PROKR1: variants seen among roughly 807,000 people sequenced by gnomAD.
The protein encoded by PROKR1 is G protein-coupled receptor 73.
A neutral mutation model predicts 22.8 loss-of-function variants in PROKR1; 21 were observed. That is an observed-to-expected ratio of 0.92 (90% CI 0.65 to 1.32). The LOEUF (loss-of-function observed/expected upper bound fraction) is 1.32. PROKR1 is among the 40% of genes most tolerant of loss of function. The pLI is 0.00. For synonymous variants in PROKR1, 193 were observed against 207.5 expected, an observed-to-expected ratio of 0.93 and a Z score of 0.60; for missense variants, 548 against 514.2, an observed-to-expected ratio of 1.07 and a Z score of -0.64.
At position 68,646,073 on chromosome 2, in the gene PROKR1, C is replaced by T. The variant is rs111648620; in HGVS notation, c.252C>T (p.Ile84=). Residue 84 remains isoleucine, a synonymous_variant, in exon 2 of 3, where the codon ATC becomes ATT. Coordinates refer to ENST00000303786, the MANE Select transcript of PROKR1 (RefSeq NM_138964.4). ...LVCGIGNFIF[I]AALVRYKKLR... is the part of the protein sequence containing the mutation. ...GCGGCATTGGAAACTTCATCTTTAT[C>T]GCTGCCCTGGTCCGCTACAAGAAAC... The T allele has an allele frequency of 5.2e-5, 84 of 1,614,114 alleles. No homozygotes were observed. Among genetic ancestry groups the T allele is most frequent in the African/African-American group, 6.7e-5 (5 of 74,938 alleles).
intron 2 of PROKR1, among the ~76,000 whole-genome samples, chr2:68,649,942 G>A (rs1475830614): frequency 6.6e-6 from 1 of 152,048 alleles, no homozygotes; most frequent in Admixed American, 6.5e-5. Context: ...TGTCTTGTAC[G>A]TGTCTCCACT....
chr2:68,644,895 G>A (rs1031016351), intron 1 of PROKR1, among the ~76,000 whole-genome samples: 1 of 152,040 alleles, frequency 6.6e-6, no homozygotes, highest in Non-Finnish European at 1.5e-5. Flanking sequence ...TCAGGATTTC[G>A]CTCCCCTTCC....
At chr2:68,647,363 C>T (rs917724162) in intron 2 of PROKR1, among the ~76,000 whole-genome samples, 6 of 152,198 alleles carry the variant, frequency 3.9e-5, no homozygotes, top group Admixed American at 6.5e-5. Flanking sequence ...TACAAAGCAC[C>T]TGGTTACAGT....
At chr2:68,646,381 G>A in intron 2 of PROKR1, 75 bp downstream of exon 2, 2 of 1,575,264 alleles carry the variant, frequency 1.3e-6, no homozygotes, top group African/African-American at 1.3e-5. Flanking sequence ...CTCCTGTACT[G>A]CAGTTGCAGA....
At position 68,646,283 on chromosome 2, in the gene PROKR1, C is replaced by A; in HGVS notation, c.462C>A (p.Ala154=). ...TCTCTCTCTATGTCTCCACCAATGCCCTGCTGGCCATCGCCATTGACAGGT... is the reference window on the plus strand; with the variant it reads ...TCTCTCTCTATGTCTCCACCAATGCACTGCTGGCCATCGCCATTGACAGGT... ...RTVSLYVSTN[A]LLAIAIDRYL... Residue 154 remains alanine (A), a synonymous_variant, in exon 2 of 3, where the codon GCC becomes GCA. Coordinates refer to ENST00000303786, the MANE Select transcript of PROKR1 (RefSeq NM_138964.4). 6.2e-7 allele frequency: 1 copy of A among 1,614,230 alleles called. No individual in the cohort carries two copies. The highest frequency in any genetic ancestry group is 2.2e-5 in the East Asian group (1 of 44,884).
intron 2 of PROKR1, chr2:68,649,575 T>A (rs1216481779): frequency 6.6e-6 from 1 of 152,136 alleles, no homozygotes; most frequent in African/African-American, 2.4e-5. Flanking sequence ...AACCAAAGGA[T>A]GGAGAGAGAT....
rs1673159027 is a variant in PROKR1, at chr2:68,645,696, A to T, written c.-126A>T. The T allele has an allele frequency of 7.6e-7, 1 of 1,321,648 alleles. No homozygotes were observed. The highest frequency in any genetic ancestry group is 1.1e-6 in the Non-Finnish European group (1 of 929,976). 81.9% of individuals were successfully genotyped at this position (1,321,648 alleles called of 1,614,324 possible). A position where few individuals can be genotyped will look rare whatever the true frequency, so the allele number is the denominator to read the frequency against. ...GGAGCTCAGATACCATACCCCAAAG[A>T]TGCTGGCAGAGACATTCTGACTCAT... On this transcript the variant is annotated 5_prime_UTR_variant, in exon 2 of 3. It removes an upstream start codon present in the reference 5' UTR. Coordinates refer to ENST00000303786, the MANE Select transcript of PROKR1 (RefSeq NM_138964.4).
intron 2 of PROKR1, among the ~76,000 whole-genome samples, chr2:68,646,952 G>A (rs1308559054): frequency 6.6e-6 from 1 of 152,120 alleles, no homozygotes; most frequent in Non-Finnish European, 1.5e-5. Flanking sequence ...AGAGGCTGAG[G>A]CAGGAGGATC....
rs1162955320 is a variant in PROKR1 at position 68,657,625 on chromosome 2, AG to A, written c.*2050del. 6.6e-6 allele frequency: 1 copy of A among 152,178 alleles called. No homozygotes were observed. Among genetic ancestry groups the A allele is most frequent in the Non-Finnish European group, 1.5e-5 (1 of 68,046 alleles). The allele number at this position is 152,178 out of a possible 1,614,324, so 9.4% of individuals were successfully genotyped here. On this transcript the variant is annotated 3_prime_UTR_variant, in exon 3 of 3. Coordinates refer to ENST00000303786, the MANE Select transcript of PROKR1 (RefSeq NM_138964.4). ...TTCTCAGTCTGTTTTTATTCTCACG[AG>A]TGTGTAGGCTACAGCGTGGACTTGT... is the stretch of plus-strand genomic sequence containing the variant.
intron 2 of PROKR1, among the ~76,000 whole-genome samples, chr2:68,652,790 C>A (rs539663440): frequency 3.3e-5 from 5 of 152,280 alleles, no homozygotes. Flanking sequence ...AGTGAACCTA[C>A]AGGGATAAGA....
Position 68,657,472 on chromosome 2 carries a change from T to A in PROKR1, c.*1896T>A, listed in dbSNP as rs1436908629. 1 of 152,198 alleles carries A rather than the reference T, an allele frequency of 6.6e-6. No individual in the cohort carries two copies. Among genetic ancestry groups the A allele is most frequent in the Non-Finnish European group, 1.5e-5 (1 of 68,040 alleles). The allele number at this position is 152,198 out of a possible 1,614,324, so 9.4% of individuals were successfully genotyped here. On this transcript the variant is annotated 3_prime_UTR_variant, in exon 3 of 3. Transcript: ENST00000303786. ...GCATAAAGGAAAGGGTGGCTGAGTC[T>A]CCGGTTAGAAGATGAGTTTAGGGGT...
At position 68,654,942 on chromosome 2, in the gene PROKR1, T is replaced by C; in HGVS notation, c.548T>C (p.Ile183Thr). 2.5e-6 allele frequency: 4 copies of C among 1,613,938 alleles called. No homozygotes were observed. Among genetic ancestry groups the C allele is most frequent in the Non-Finnish European group, 3.4e-6 (4 of 1,180,000 alleles). ...AAGTGCCAAACAGCCACTGGCCTGA[T>C]TGCCTTGGTGTGGACGGTGTCCATC... The part of the protein sequence containing the change: ...RMKCQTATGL[I>T]ALVWTVSILI... Residue 183 changes from isoleucine (I) to threonine (T), a missense_variant, in exon 3 of 3, where the codon ATT becomes ACT. Physicochemically the swap from Ile to Thr is moderately conservative, Grantham distance 89 (BLOSUM62 -1). Transcript: ENST00000303786.
intron 2 of PROKR1, among the ~76,000 whole-genome samples, chr2:68,650,181 C>T (rs1229772219): frequency 6.6e-6 from 1 of 151,614 alleles, no homozygotes; most frequent in African/African-American, 2.4e-5. Flanking sequence ...CTAACCTGCA[C>T]AATGTGCACA....
In PROKR1 at chr2:68,657,868, C is replaced by T. The variant is rs1673504057; in HGVS notation, c.*2292C>T. 6.6e-6 allele frequency: 1 copy of T among 152,164 alleles called. No individual in the cohort carries two copies. Among genetic ancestry groups the T allele is most frequent in the African/African-American group, 2.4e-5 (1 of 41,416 alleles). The allele number at this position is 152,164 out of a possible 1,614,324, so 9.4% of individuals were successfully genotyped here. ...CTTACCCTACAATTTAATCAGAATG[C>T]TCTTGGAGAGTAAAATTAATTAAAA... On this transcript the variant is annotated 3_prime_UTR_variant, in exon 3 of 3. Transcript: ENST00000303786.
At position 68,643,797 on chromosome 2, in the gene PROKR1, GC is replaced by G. The variant is rs1002591180; in HGVS notation, c.-208del. 5.9e-5 allele frequency: 9 copies of G among 152,442 alleles called. No homozygotes were observed. The highest frequency in any genetic ancestry group is 1.9e-4 in the African/African-American group (8 of 41,584). 9.4% of individuals were successfully genotyped at this position (152,442 alleles called of 1,614,324 possible). On this transcript the variant is annotated 5_prime_UTR_variant, in exon 1 of 3. Coordinates refer to ENST00000303786, the MANE Select transcript of PROKR1 (RefSeq NM_138964.4). ...TCTGGAAGAAGCGTCTCCTGATCCG[GC>G]CCCGGAATAAGAAACCCGGACCTTG...
chr2:68,647,663 A>G (rs1224141314), intron 2 of PROKR1, among the ~76,000 whole-genome samples: 1 of 150,156 alleles, frequency 6.7e-6, no homozygotes, highest in East Asian at 1.9e-4. Flanking sequence ...TGTCTATAAA[A>G]CCGCTGAGGG....
chr2:68,649,696 G>T (rs1205364704), intron 2 of PROKR1: 1 of 152,148 alleles, frequency 6.6e-6, no homozygotes, highest in Non-Finnish European at 1.5e-5. Flanking sequence ...CCTATTCTAG[G>T]TGAGTAGTCA....
intron 2 of PROKR1, among the ~76,000 whole-genome samples, chr2:68,648,368 A>T (rs1008595648): frequency 6.6e-6 from 1 of 152,338 alleles, no homozygotes. Context: ...TGTCTGAAAT[A>T]CTGCAAGCAT....
At position 68,654,499 on chromosome 2, in the gene PROKR1, C is replaced by CG. The variant is rs78135039; in HGVS notation, c.486-380dup. ...CAAGTTGACCTTTTGCAGAAGCCCACGTACCATTGGGAGTTTCCTCCACAC... is the reference window on the plus strand; with the variant it reads ...CAAGTTGACCTTTTGCAGAAGCCCACGGTACCATTGGGAGTTTCCTCCACAC... On this transcript the variant is annotated intron_variant, in intron 2 of 2. Transcript: ENST00000303786. 2.9e-3 allele frequency among the ~76,000 whole-genome samples: 444 copies of CG among 152,276 alleles called. 6 individuals carry two copies. The East Asian group carries it at 0.066, about 23-fold the overall frequency.
Sources: allele counts gnomAD v4.1 joint callset (sites outside exome capture counted in the v4.1 genomes callset), GRCh38; gene constraint gnomAD v4.1.1; transcripts MANE v1.5; gene names NCBI Gene and HGNC (gene_info 2026-07-23, HGNC 2026-07-21).